The following BLVRA variants were observed in gnomAD, a reference collection of about 807,000 sequenced individuals.
BLVRA encodes biliverdin reductase A, also known as BVR A.
BLVRA carries 22 observed loss-of-function variants against 32.8 expected under a neutral mutation model. That is an observed-to-expected ratio of 0.67 (90% confidence interval 0.48 to 0.96). The LOEUF is 0.96. BLVRA is among the 40% of genes least tolerant of loss of function. BLVRA has a pLI of 0.00. For synonymous variants in BLVRA, 119 were observed against 141.3 expected (o/e 0.84, Z 1.12); for missense variants, 323 against 358.1 (o/e 0.90, Z 0.79).
intron 3 of BLVRA, among the ~76,000 whole-genome samples, chr7:43,791,024 C>T (rs912893176): frequency 2.0e-5 from 3 of 152,172 alleles, no homozygotes; most frequent in African/African-American, 4.8e-5. Context: ...AGGTCATACA[C>T]GCTGTGAATG....
intron 7 of BLVRA, among the ~76,000 whole-genome samples, chr7:43,804,141 G>A (rs1434570996): frequency 2.0e-5 from 3 of 152,220 alleles, no homozygotes; most frequent in Non-Finnish European, 2.9e-5. Context: ...CAGATTAGTA[G>A]TGGAAATTAC....
At chr7:43,767,307 A>G in intron 1 of BLVRA, 1 of 1,300,622 alleles carries the variant, frequency 7.7e-7, no homozygotes, top group Non-Finnish European at 1.1e-6. Flanking sequence ...ACCCAGATAA[A>G]GTGGCGCTGA....
At chr7:43,785,165 C>T (rs901171794) in intron 2 of BLVRA, among the ~76,000 whole-genome samples, 6 of 151,744 alleles carry the variant, frequency 4.0e-5, no homozygotes, top group East Asian at 3.9e-4. Context: ...TGTAGTAATA[C>T]GGTAACCTTA....
chr7:43,782,454 C>G (rs957480812), intron 2 of BLVRA, among the ~76,000 whole-genome samples: 3 of 152,132 alleles, frequency 2.0e-5, no homozygotes, highest in African/African-American at 7.2e-5. Flanking sequence ...CCCAGAAGTT[C>G]AGAGTACAAC....
intron 2 of BLVRA, among the ~76,000 whole-genome samples, chr7:43,779,044 A>C (rs1000429688): frequency 6.6e-6 from 1 of 152,212 alleles, no homozygotes; most frequent in African/African-American, 2.4e-5. Flanking sequence ...CCAATTTTCC[A>C]GGTGCTGTCT....
At chr7:43,780,901 CT>C (rs1304130092) in intron 2 of BLVRA, among the ~76,000 whole-genome samples, 1 of 152,204 alleles carries the variant, frequency 6.6e-6, no homozygotes, top group Non-Finnish European at 1.5e-5. Flanking sequence ...AATCCCAAAA[CT>C]TTGGGAGGCC....
intron 2 of BLVRA, among the ~76,000 whole-genome samples, chr7:43,786,051 A>T (rs1184408020): frequency 3.9e-5 from 6 of 152,210 alleles, no homozygotes; most frequent in African/African-American, 1.2e-4. Flanking sequence ...AATAATCACA[A>T]TGTAAATTGT....
At chr7:43,797,129 G>A (rs557354952) in intron 5 of BLVRA, among the ~76,000 whole-genome samples, 49 of 152,332 alleles carry the variant, frequency 3.2e-4, no homozygotes, top group African/African-American at 1.0e-3. Flanking sequence ...TTTTAAGACA[G>A]TCTCGCCCTG....
At chr7:43,790,126 G>A (rs1039449512) in intron 3 of BLVRA, among the ~76,000 whole-genome samples, 4 of 152,118 alleles carry the variant, frequency 2.6e-5, no homozygotes, top group Middle Eastern at 3.4e-3. Context: ...AGCTCTGAGC[G>A]GGCTGAGGGC....
chr7:43,759,728 G>C (rs999211839), intron 1 of BLVRA, among the ~76,000 whole-genome samples: 34 of 152,148 alleles, frequency 2.2e-4, no homozygotes, highest in Admixed American at 2.2e-3. Context: ...AATTTCTATA[G>C]TACGATTCCC....
intron 1 of BLVRA, among the ~76,000 whole-genome samples, chr7:43,762,235 T>C (rs2095743121): frequency 6.6e-6 from 1 of 152,064 alleles, no homozygotes; most frequent in Non-Finnish European, 1.5e-5. Flanking sequence ...GTATGTGTAG[T>C]TGGGGTAGGA....
rs387906595 is a variant in BLVRA, at chr7:43,787,943, C to G, written c.52C>G (p.Arg18Gly). 2 of 1,614,032 alleles carry G rather than the reference C, an allele frequency of 1.2e-6. No individual in the cohort carries two copies. The highest frequency in any genetic ancestry group is 1.7e-6 in the Non-Finnish European group (2 of 1,180,030). The change falls in exon 3 of 8, where the codon CGA becomes GGA. Residue 18 changes from arginine to glycine, a missense_variant. Physicochemically the swap from Arg to Gly is moderately radical, Grantham distance 125 (BLOSUM62 -2). Coordinates refer to ENST00000265523, the MANE Select transcript of BLVRA (RefSeq NM_000712.4). The surrounding 1 kb of genome is among the most constrained non-coding windows in gnomAD (Gnocchi z 4.5). ...KFGVVVVGVGRAGSVRMRDLR... is the reference protein window; with the variant it reads ...KFGVVVVGVGGAGSVRMRDLR... ...TGGCGTGGTGGTGGTTGGTGTTGGC[C>G]GAGCCGGCTCCGTGCGGATGAGGGA...
chr7:43,770,490 A>G (rs754728386), intron 1 of BLVRA, among the ~76,000 whole-genome samples: 1 of 152,078 alleles, frequency 6.6e-6, no homozygotes, highest in African/African-American at 2.4e-5. Flanking sequence ...ACCCAGAAAT[A>G]TGCATTTTCA....
In BLVRA at chr7:43,775,926, G is replaced by A. The variant is rs1270197161; in HGVS notation, c.12+4756G>A. 1.3e-3 allele frequency among the ~76,000 whole-genome samples: 191 copies of A among 152,032 alleles called. 1 individual carries two copies. Among genetic ancestry groups the A allele is most frequent in the East Asian group, 0.012 (64 of 5,182 alleles). Reference sequence around the variant, plus strand: ...CTTCTAGATTTTCTAGTTTATTTGCGTAGAGGTGTTTGTAGTATTCTCTGA... The same window carrying A: ...CTTCTAGATTTTCTAGTTTATTTGCATAGAGGTGTTTGTAGTATTCTCTGA... On this transcript the variant is annotated intron_variant, in intron 2 of 7. Coordinates refer to ENST00000265523, the MANE Select transcript of BLVRA (RefSeq NM_000712.4).
intron 2 of BLVRA, among the ~76,000 whole-genome samples, chr7:43,774,977 G>C (rs1444183838): frequency 6.6e-6 from 1 of 152,118 alleles, no homozygotes; most frequent in East Asian, 1.9e-4. Flanking sequence ...TGTGATTTTT[G>C]TACATTGATT....
In BLVRA at chr7:43,787,736, GC is replaced by G. The variant is rs2095779552; in HGVS notation, c.13-163del. Among the ~76,000 whole-genome samples the G allele has an allele frequency of 6.6e-6, 1 of 152,168 alleles. No homozygotes were observed. Among genetic ancestry groups the G allele is most frequent in the Admixed American group, 6.5e-5 (1 of 15,282 alleles). ...TTTGGCGGGACTGACTTCTCTCCAA[GC>G]CCCCATTTCGGGGACTGTCTCATCC... is the stretch of plus-strand genomic sequence containing the variant. On this transcript the variant is annotated intron_variant, in intron 2 of 7. Coordinates refer to ENST00000265523, the MANE Select transcript of BLVRA (RefSeq NM_000712.4). The surrounding 1 kb of genome is among the most constrained non-coding windows in gnomAD (Gnocchi z 4.5).
In BLVRA at chr7:43,799,775, C is replaced by T. The variant is rs184038034; in HGVS notation, c.353-690C>T. ...AGGCATGAGCCACCAAGCCTGGGCA[C>T]GTTCTTACTCTGTTAGATTTTTATG... is the stretch of plus-strand genomic sequence containing the variant. On this transcript the variant is annotated intron_variant, in intron 5 of 7. Transcript: ENST00000265523. Among the ~76,000 whole-genome samples, 126 of 151,084 alleles carry T rather than the reference C, an allele frequency of 8.3e-4. No individual in the cohort carries two copies. The Middle Eastern group carries it at 0.011, about 13-fold the overall frequency.
At chr7:43,792,597 A>T in intron 4 of BLVRA, 118 bp from the exon 5 acceptor site, 1 of 963,960 alleles carries the variant, frequency 1.0e-6, no homozygotes, top group Non-Finnish European at 1.6e-6. Flanking sequence ...CCCAGTCATG[A>T]CACATTCACA....
intron 1 of BLVRA, among the ~76,000 whole-genome samples, chr7:43,768,958 G>A (rs2095751414): frequency 6.6e-6 from 1 of 151,506 alleles, no homozygotes; most frequent in South Asian, 2.1e-4. Flanking sequence ...ATGAGACAGG[G>A]TCTCTCATCT....
Sources: gnomAD v4.1 joint callset for allele counts (sites outside exome capture counted in the v4.1 genomes callset) on GRCh38, gnomAD v4.1.1 for gene constraint, Gnocchi (gnomAD v3.1) non-coding constraint, MANE v1.5 for transcripts, NCBI Gene and HGNC (gene_info 2026-07-23, HGNC 2026-07-21) for gene names.